KLF12: variants seen among roughly 807,000 people sequenced by gnomAD.
KLF12 encodes the protein KLF transcription factor 12, also known as Krueppel-like factor 12.
Under a neutral mutation model 37.8 loss-of-function variants are expected in KLF12, and 9 were observed. That is an observed-to-expected ratio of 0.24 (90% CI 0.14 to 0.42). KLF12 has a LOEUF of 0.42. KLF12 is among the 10% of genes least tolerant of loss of function. KLF12 has a pLI of 1.00. For synonymous variants in KLF12, 208 were observed against 202.1 expected (o/e 1.03, Z -0.25); for missense variants, 411 against 516.0 (o/e 0.80, Z 1.97).
chr13:74,055,081 A>G (rs1038991441), intron 1 of KLF12, among the ~76,000 whole-genome samples: 5 of 152,256 alleles, frequency 3.3e-5, no homozygotes, highest in African/African-American at 9.6e-5. Context: ...AGCACCTAGC[A>G]GAATATGCAA....
At chr13:73,774,287 C>T (rs868427476) in intron 5 of KLF12, among the ~76,000 whole-genome samples, 3,154 of 149,370 alleles carry the variant, frequency 0.021, 115 homozygotes, top group African/African-American at 0.073. Flanking sequence ...TATATATACA[C>T]ACACACACAC....
intron 3 of KLF12, 105 bp from the exon 4 acceptor site, chr13:73,846,478 G>T: frequency 2.0e-6 from 2 of 1,024,838 alleles, no homozygotes; most frequent in Non-Finnish European, 1.4e-6. Flanking sequence ...TTATTGCTAT[G>T]GGACATTTAT....
chr13:74,200,727 G>A, the KLF12 span, among the ~76,000 whole-genome samples: 1 of 152,062 alleles, frequency 6.6e-6, no homozygotes, highest in Non-Finnish European at 1.5e-5. Flanking sequence ...CAATGTCATA[G>A]AGAGTTTCTG....
chr13:74,020,555 G>A (rs1028899238), intron 1 of KLF12, among the ~76,000 whole-genome samples: 6 of 152,136 alleles, frequency 3.9e-5, no homozygotes, highest in African/African-American at 1.4e-4. Flanking sequence ...GGTAGAAATA[G>A]AGAAGGGCAA....
rs1452014396 is a variant in KLF12 at position 73,691,552 on chromosome 13, T to C, written c.*3938A>G. 1 of 152,658 alleles carries C rather than the reference T, an allele frequency of 6.6e-6. No individual in the cohort carries two copies. The highest frequency in any genetic ancestry group is 1.5e-5 in the Non-Finnish European group (1 of 68,042). The allele number at this position is 152,658 out of a possible 1,614,324, so 9.5% of individuals were successfully genotyped here. A position where few individuals can be genotyped will look rare whatever the true frequency, so the allele number is the denominator to read the frequency against. On this transcript the variant is annotated 3_prime_UTR_variant, in exon 8 of 8. Transcript: ENST00000377669. The stretch of plus-strand genomic sequence containing the variant: ...CAGACTGTAACATGGATGCTGGTAT[T>C]CTTAACACTGCTTAATTTCTGTCAA...
the KLF12 span, among the ~76,000 whole-genome samples, chr13:74,198,182 A>G: frequency 6.6e-6 from 1 of 152,158 alleles, no homozygotes; most frequent in Admixed American, 6.6e-5. Context: ...TCTCCTGGTC[A>G]GAGAGGCAGA....
At chr13:73,799,804 G>T (rs899928524) in intron 5 of KLF12, among the ~76,000 whole-genome samples, 2 of 151,970 alleles carry the variant, frequency 1.3e-5, no homozygotes, top group Non-Finnish European at 2.9e-5. Context: ...CAGAAAATGG[G>T]TACTTCAACT....
At chr13:74,094,930 A>G (rs995835592) in intron 1 of KLF12, among the ~76,000 whole-genome samples, 1 of 152,202 alleles carries the variant, frequency 6.6e-6, no homozygotes, top group African/African-American at 2.4e-5. Context: ...TTTGTAAAGC[A>G]TTTTTGAAAC....
In KLF12 at chr13:73,812,376, T is replaced by C. The variant is rs543454924; in HGVS notation, c.806+776A>G. Among the ~76,000 whole-genome samples the C allele has an allele frequency of 3.2e-5, 3 of 93,680 alleles. No individual in the cohort carries two copies. In the South Asian group the frequency reaches 1.1e-3, roughly 36 times the overall value. The allele number at this position is 93,680 out of a possible 152,430, so 61.5% of individuals were successfully genotyped here. A position where few individuals can be genotyped will look rare whatever the true frequency, so the allele number is the denominator to read the frequency against. On this transcript the variant is annotated intron_variant, in intron 5 of 7. Transcript: ENST00000377669. ...AAATTTTCTAGGAGTGTAGAACTTA[T>C]GCATTCTCACAAAAAAAAAAACTAT...
chr13:73,867,712 C>A (rs547208644), intron 3 of KLF12, among the ~76,000 whole-genome samples: 1 of 152,182 alleles, frequency 6.6e-6, no homozygotes, highest in Admixed American at 6.5e-5. Flanking sequence ...TACCACAATG[C>A]GACCCCACAG....
At chr13:73,915,261 C>G (rs151107494) in intron 3 of KLF12, among the ~76,000 whole-genome samples, 1 of 152,180 alleles carries the variant, frequency 6.6e-6, no homozygotes, top group Non-Finnish European at 1.5e-5. Context: ...AGGATAATTT[C>G]TCTATCTCAA....
chr13:74,239,825 G>T, the KLF12 span, among the ~76,000 whole-genome samples: 1 of 151,430 alleles, frequency 6.6e-6, no homozygotes, highest in Non-Finnish European at 1.5e-5. Context: ...TTTATTTTGA[G>T]CCTATGTGTG....
intron 2 of KLF12, among the ~76,000 whole-genome samples, chr13:73,954,201 G>A (rs571451387): frequency 4.0e-5 from 6 of 151,798 alleles, no homozygotes; most frequent in East Asian, 1.9e-4. Context: ...GATGGTCTCG[G>A]TCTCCTGACT....
At chr13:74,002,952 T>C (rs552964295) in intron 1 of KLF12, among the ~76,000 whole-genome samples, 76 of 152,308 alleles carry the variant, frequency 5.0e-4, no homozygotes, top group African/African-American at 1.8e-3. Flanking sequence ...ATGACATAAT[T>C]ATAACACTAA....
At chr13:73,816,232 A>G (rs1200251970) in intron 4 of KLF12, among the ~76,000 whole-genome samples, 1 of 152,190 alleles carries the variant, frequency 6.6e-6, no homozygotes, top group Non-Finnish European at 1.5e-5. Flanking sequence ...TCAGTCTTTG[A>G]GCATCTCAGC....
chr13:74,017,830 T>C (rs1306194706), intron 1 of KLF12, among the ~76,000 whole-genome samples: 1 of 152,026 alleles, frequency 6.6e-6, no homozygotes, highest in East Asian at 1.9e-4. Context: ...CCCTGGCATA[T>C]CAATGATTGT....
At chr13:73,988,553 C>T (rs1891886008) in intron 2 of KLF12, among the ~76,000 whole-genome samples, 1 of 152,176 alleles carries the variant, frequency 6.6e-6, no homozygotes, top group African/African-American at 2.4e-5. Flanking sequence ...GAACCAATAA[C>T]ATATGCCCCA....
chr13:73,895,778 T>A (rs909269364), intron 3 of KLF12, among the ~76,000 whole-genome samples: 4 of 151,934 alleles, frequency 2.6e-5, no homozygotes, highest in African/African-American at 9.7e-5. Context: ...TAAATCAGAA[T>A]TTTGATTATA....
intron 6 of KLF12, among the ~76,000 whole-genome samples, chr13:73,721,571 G>A (rs1876260756): frequency 6.6e-6 from 1 of 152,128 alleles, no homozygotes; most frequent in Non-Finnish European, 1.5e-5. Context: ...TTTTTAAAAA[G>A]AGACAAGAAC....
Sources: gnomAD v4.1 joint callset for allele counts (sites outside exome capture counted in the v4.1 genomes callset) on GRCh38, gnomAD v4.1.1 for gene constraint, MANE v1.5 for transcripts, NCBI Gene and HGNC (gene_info 2026-07-23, HGNC 2026-07-21) for gene names.